DOCK10: variants seen among roughly 807,000 people sequenced by gnomAD.
DOCK10 encodes dedicator of cytokinesis 10, also known as dedicator of cytokinesis protein 10.
Under a neutral mutation model 280.1 loss-of-function variants are expected in DOCK10, and 145 were observed. That is an observed-to-expected ratio of 0.52 (90% confidence interval 0.45 to 0.59). DOCK10 has a LOEUF of 0.59. DOCK10 is among the 20% of genes least tolerant of loss of function. The probability of loss-of-function intolerance (pLI) is 0.00; values close to 1 mark genes in which losing one functional copy is unlikely to be tolerated. For missense variants in DOCK10, 2,368 were observed against 2,651.7 expected, an observed-to-expected ratio of 0.89 and a Z score of 2.35; for synonymous variants, 915 against 942.2, an observed-to-expected ratio of 0.97 and a Z score of 0.53.
chr2:224,768,768 A>ACTAG, intron 55 of DOCK10: 1 of 327,122 alleles, frequency 3.1e-6, no homozygotes, highest in Non-Finnish European at 6.0e-6. Context: ...CTTAGAGAGC[A>ACTAG]CTAGCTACTA....
chr2:224,982,497 C>T, intron 1 of DOCK10: 1 of 1,226,480 alleles, frequency 8.2e-7, no homozygotes, highest in African/African-American at 1.6e-5. Flanking sequence ...CTTCCTTGAG[C>T]TCTGATCATC....
At chr2:224,867,481 G>A (rs1466944658) in intron 11 of DOCK10, among the ~76,000 whole-genome samples, 2 of 152,204 alleles carry the variant, frequency 1.3e-5, no homozygotes, top group African/African-American at 2.4e-5. Context: ...ATGCCTCTAT[G>A]TGGCTTTCCT....
chr2:224,865,327 T>C (rs780166841), intron 11 of DOCK10, among the ~76,000 whole-genome samples: 1 of 152,212 alleles, frequency 6.6e-6, no homozygotes, highest in Non-Finnish European at 1.5e-5. Context: ...ACATGCATGG[T>C]TGGGCCTTAC....
chr2:224,876,177 A>G lies in DOCK10; in HGVS notation c.792T>C (p.Asp264=). 1 of 1,613,646 alleles carries G rather than the reference A, an allele frequency of 6.2e-7. No individual in the cohort carries two copies. The highest frequency in any genetic ancestry group is 8.5e-7 in the Non-Finnish European group (1 of 1,179,782). Residue 264 remains aspartate (D), a synonymous_variant, in exon 8 of 56, where the codon GAT becomes GAC. Coordinates refer to ENST00000258390, the MANE Select transcript of DOCK10 (RefSeq NM_014689.3). ...CAGCTGCCAGCACAAAATAGGTCAG[A>G]TCATTCATTTTCAATTCAAAGGCAT... The part of the protein sequence containing the change: ...RKYAFELKMN[D]LTYFVLAAET...
At chr2:224,871,184 C>G (rs1431483810) in intron 11 of DOCK10, among the ~76,000 whole-genome samples, 3 of 152,056 alleles carry the variant, frequency 2.0e-5, no homozygotes, top group Admixed American at 2.0e-4. Flanking sequence ...TCTAATAGTA[C>G]CAACAAGTGA....
intron 15 of DOCK10, 55 bp downstream of exon 15, chr2:224,856,805 T>TA (rs1697174476): frequency 5.3e-6 from 8 of 1,498,336 alleles, no homozygotes; most frequent in Middle Eastern, 1.8e-4. Context: ...TATGAAGTGA[T>TA]AAAAAATCAA....
Position 224,875,997 on chromosome 2 carries a change from A to C in DOCK10, c.931+41T>G, listed in dbSNP as rs1698604169. 1.9e-6 allele frequency: 3 copies of C among 1,589,956 alleles called. No homozygotes were observed. In the East Asian group the frequency reaches 6.7e-5, roughly 36 times the overall value. ...CTTTAGTGAACCAAAAACACAGGTC[A>C]CACTGGACAAAGGAAGGAAGACGGC... is the stretch of plus-strand genomic sequence containing the variant. On this transcript the variant is annotated intron_variant, in intron 8 of 55. Coordinates refer to ENST00000258390, the MANE Select transcript of DOCK10 (RefSeq NM_014689.3).
At chr2:224,870,785 C>T (rs909925110) in intron 11 of DOCK10, among the ~76,000 whole-genome samples, 2 of 143,486 alleles carry the variant, frequency 1.4e-5, no homozygotes, top group African/African-American at 5.5e-5. Context: ...ACTAGACTTC[C>T]AAATTTGTAT....
intron 11 of DOCK10, among the ~76,000 whole-genome samples, chr2:224,873,031 T>TA (rs1313258971): frequency 6.6e-6 from 1 of 152,222 alleles, no homozygotes; most frequent in Non-Finnish European, 1.5e-5. Context: ...GACTGCCTGC[T>TA]AAAGTACTAA....
chr2:224,980,317 T>C (rs1705678252), intron 1 of DOCK10, among the ~76,000 whole-genome samples: 1 of 152,222 alleles, frequency 6.6e-6, no homozygotes, highest in South Asian at 2.1e-4. Flanking sequence ...TGAAATACAA[T>C]AAATTTTCAA....
At position 224,961,468 on chromosome 2, in the gene DOCK10, T is replaced by TTCTTTCTTTCTTTCTTTCTTTCTTTC. The variant is rs10672849; in HGVS notation, c.124-29801_124-29800insGAAAGAAAGAAAGAAAGAAAGAAAGA. ...TTTCTTTCTTTCTTTCTTTCTTTCTTTTTCTTTCTTTCTTTCTCTTTCTTT... is the reference window on the plus strand; with the variant it reads ...TTTCTTTCTTTCTTTCTTTCTTTCTTTCTTTCTTTCTTTCTTTCTTTCTTTCTTTCTTTCTTTCTTTCTCTTTCTTT... On this transcript the variant is annotated intron_variant, in intron 1 of 55. Transcript: ENST00000258390. Among the ~76,000 whole-genome samples, 128 of 66,704 alleles carry TTCTTTCTTTCTTTCTTTCTTTCTTTC rather than the reference T, an allele frequency of 1.9e-3. 2 individuals carry two copies. The highest frequency in any genetic ancestry group is 5.0e-3 in the East Asian group (13 of 2,576). The allele number at this position is 66,704 out of a possible 152,430, so 43.8% of individuals were successfully genotyped here.
chr2:224,870,841 T>G (rs1298843045), intron 11 of DOCK10, among the ~76,000 whole-genome samples: 3 of 144,800 alleles, frequency 2.1e-5, no homozygotes, highest in Non-Finnish European at 3.0e-5. Context: ...TTTTTTTTTT[T>G]TTTGAGACGG....
At chr2:225,022,505 C>T (rs1248790707) in intron 1 of DOCK10, among the ~76,000 whole-genome samples, 3 of 152,188 alleles carry the variant, frequency 2.0e-5, no homozygotes, top group Admixed American at 2.0e-4. Context: ...TCTTCCTTCT[C>T]CATCACTCTC....
intron 7 of DOCK10, among the ~76,000 whole-genome samples, chr2:224,884,529 A>C (rs1699164284): frequency 6.6e-6 from 1 of 152,214 alleles, no homozygotes; most frequent in Admixed American, 6.5e-5. Context: ...ATTTCATCAG[A>C]GTAGGAAGCA....
chr2:224,767,874 T>G (rs1574776902), intron 55 of DOCK10, among the ~76,000 whole-genome samples: 1 of 151,974 alleles, frequency 6.6e-6, no homozygotes, highest in African/African-American at 2.4e-5. Flanking sequence ...TTTTTCTATT[T>G]CCTTTTTATA....
chr2:224,986,640 T>C (rs1374253734), intron 1 of DOCK10, among the ~76,000 whole-genome samples: 1 of 152,154 alleles, frequency 6.6e-6, no homozygotes, highest in East Asian at 1.9e-4. Context: ...TGTCTTCATG[T>C]GTGCACAAGG....
At chr2:225,033,379 C>T (rs902786571) in intron 1 of DOCK10, among the ~76,000 whole-genome samples, 54 of 151,992 alleles carry the variant, frequency 3.6e-4, no homozygotes, top group African/African-American at 1.2e-3. Flanking sequence ...GATGGGGTTT[C>T]GCCATATTGG....
intron 1 of DOCK10, among the ~76,000 whole-genome samples, chr2:224,987,126 C>A (rs1046545183): frequency 6.8e-4 from 103 of 152,192 alleles, no homozygotes; most frequent in African/African-American, 2.3e-3. Context: ...TATCTCTTTC[C>A]CCAAATCCAA....
At position 224,804,153 on chromosome 2, in the gene DOCK10, T is replaced by C. The variant is rs1481288336; in HGVS notation, c.4227A>G (p.Gly1409=). 1 of 1,612,154 alleles carries C rather than the reference T, an allele frequency of 6.2e-7. No individual in the cohort carries two copies. ...CTGATGTCTGGCAGGAAGGATTGGA[T>C]CCTTTGAGAGTTCCATTGTTCTGGG... ...QSTQNNGTLK[G]SNPSCQTSGL... The change falls in exon 39 of 56, where the codon GGA becomes GGG. Residue 1409 remains glycine, a synonymous_variant. Coordinates refer to ENST00000258390, the MANE Select transcript of DOCK10 (RefSeq NM_014689.3).
Sources: gnomAD v4.1 joint callset for allele counts (sites outside exome capture counted in the v4.1 genomes callset) on GRCh38, gnomAD v4.1.1 for gene constraint, MANE v1.5 for transcripts, NCBI Gene and HGNC (gene_info 2026-07-23, HGNC 2026-07-21) for gene names.